Variants in NDST3 observed in about 807,000 individuals in gnomAD.
NDST3 encodes the protein N-deacetylase and N-sulfotransferase 3.
NDST3 carries 58 observed loss-of-function variants against 96.1 expected under a neutral mutation model. That is an observed-to-expected ratio of 0.60 (90% CI 0.49 to 0.75). NDST3 has a LOEUF of 0.75. Ranked by LOEUF, NDST3 falls within the 30% of genes least tolerant of loss-of-function variation. The pLI is 0.00. For missense variants in NDST3, 788 were observed against 1,034.2 expected, an observed-to-expected ratio of 0.76 and a Z score of 3.27; for synonymous variants, 333 against 359.7, an observed-to-expected ratio of 0.93 and a Z score of 0.84.
At chr4:118,166,751 A>C (rs1474710603) in intron 6 of NDST3, among the ~76,000 whole-genome samples, 1 of 152,046 alleles carries the variant, frequency 6.6e-6, no homozygotes, top group Non-Finnish European at 1.5e-5. Flanking sequence ...ACATACAAAA[A>C]TCAGTTAATG....
At chr4:118,046,590 C>G (rs1724774653) in intron 1 of NDST3, among the ~76,000 whole-genome samples, 1 of 152,156 alleles carries the variant, frequency 6.6e-6, no homozygotes, top group Non-Finnish European at 1.5e-5. Context: ...AGCCTGGGTG[C>G]CTTGCTCCAC....
intron 5 of NDST3, among the ~76,000 whole-genome samples, chr4:118,139,830 C>CT (rs957439450): frequency 6.6e-6 from 1 of 152,134 alleles, no homozygotes; most frequent in Non-Finnish European, 1.5e-5. Flanking sequence ...TCCTTTATAT[C>CT]TTTTTTATTT....
chr4:118,251,088 TTTTA>T (rs372261437), intron 12 of NDST3, among the ~76,000 whole-genome samples: 68 of 140,026 alleles, frequency 4.9e-4, no homozygotes, highest in Admixed American at 1.9e-3. Context: ...GCTATAAATT[TTTTA>T]TTTATTTATT....
At chr4:118,161,870 C>T (rs1347069051) in intron 6 of NDST3, among the ~76,000 whole-genome samples, 1 of 152,176 alleles carries the variant, frequency 6.6e-6, no homozygotes, top group African/African-American at 2.4e-5. Context: ...ACACGGTGCA[C>T]TGCACCCACT....
intron 4 of NDST3, among the ~76,000 whole-genome samples, chr4:118,137,398 A>G (rs899920318): frequency 2.6e-5 from 4 of 151,976 alleles, no homozygotes; most frequent in Non-Finnish European, 5.9e-5. Context: ...TTGACTTCAA[A>G]TCAACTAAGT....
At chr4:118,206,194 C>T (rs1472121711) in intron 6 of NDST3, among the ~76,000 whole-genome samples, 1 of 144,168 alleles carries the variant, frequency 6.9e-6, no homozygotes, top group Non-Finnish European at 1.5e-5. Context: ...TGCTTTCCTT[C>T]CTGTCATCTG....
intron 2 of NDST3, among the ~76,000 whole-genome samples, chr4:118,099,164 T>C (rs1729576068): frequency 6.6e-6 from 1 of 152,102 alleles, no homozygotes; most frequent in African/African-American, 2.4e-5. Flanking sequence ...AAAGGTTCAG[T>C]AACTTGTCCA....
chr4:118,251,088 TTTTATTTATTTA>T (rs372261437), intron 12 of NDST3, among the ~76,000 whole-genome samples: 18 of 140,032 alleles, frequency 1.3e-4, no homozygotes, highest in African/African-American at 3.0e-4. Flanking sequence ...GCTATAAATT[TTTTATTTATTTA>T]TTTATTTATT....
chr4:118,200,218 A>G (rs1237514346), intron 6 of NDST3, among the ~76,000 whole-genome samples: 1 of 152,174 alleles, frequency 6.6e-6, no homozygotes, highest in Non-Finnish European at 1.5e-5. Context: ...TTAGAAGTCT[A>G]CCTGGTGTTC....
intron 7 of NDST3, 42 bp from the exon 8 acceptor site, chr4:118,226,844 T>G: frequency 7.1e-7 from 1 of 1,416,168 alleles, no homozygotes. Flanking sequence ...AATGGACACA[T>G]TCATGAAAAA....
intron 6 of NDST3, among the ~76,000 whole-genome samples, chr4:118,199,539 G>A (rs1370075025): frequency 6.6e-6 from 1 of 152,134 alleles, no homozygotes; most frequent in Non-Finnish European, 1.5e-5. Flanking sequence ...ACATATCCCT[G>A]TTTCTCCAGG....
chr4:118,224,798 A>T, intron 7 of NDST3, 125 bp downstream of exon 7: 1 of 765,906 alleles, frequency 1.3e-6, no homozygotes, highest in Admixed American at 3.2e-5. Context: ...AGTAAATTTG[A>T]GAAACTACTC....
chr4:118,088,444 CTT>C (rs1266963617), intron 2 of NDST3, among the ~76,000 whole-genome samples: 1 of 152,018 alleles, frequency 6.6e-6, no homozygotes, highest in East Asian at 1.9e-4. Flanking sequence ...ACCAAATGCA[CTT>C]TGTTTTCTCA....
chr4:118,253,236 TAGG>T (rs1741870518), intron 12 of NDST3, among the ~76,000 whole-genome samples: 1 of 152,196 alleles, frequency 6.6e-6, no homozygotes, highest in African/African-American at 2.4e-5. Context: ...TTTCTATTAA[TAGG>T]AGATGTGCTG....
At chr4:118,162,683 G>A (rs1436522643) in intron 6 of NDST3, among the ~76,000 whole-genome samples, 4 of 148,668 alleles carry the variant, frequency 2.7e-5, no homozygotes, top group African/African-American at 9.8e-5. Context: ...TCAGGACATA[G>A]GCATGGGAAA....
chr4:118,152,891 G>C (rs972333136), intron 6 of NDST3, among the ~76,000 whole-genome samples: 1 of 152,168 alleles, frequency 6.6e-6, no homozygotes, highest in African/African-American at 2.4e-5. Flanking sequence ...GAATTTCCAA[G>C]CAAGGGAATC....
At chr4:118,070,250 A>C (rs1726938648) in intron 2 of NDST3, among the ~76,000 whole-genome samples, 1 of 152,168 alleles carries the variant, frequency 6.6e-6, no homozygotes, top group Non-Finnish European at 1.5e-5. Context: ...TACTAAGGAA[A>C]GCCCAGCACC....
At chr4:118,241,977 A>C (rs1741036341) in intron 11 of NDST3, 63 bp from the exon 12 acceptor site, 6 of 1,222,592 alleles carry the variant, frequency 4.9e-6, no homozygotes, top group Non-Finnish European at 7.2e-6. Context: ...AGAATGCAGA[A>C]ATTTTTCATT....
At chr4:118,049,495 A>T in intron 1 of NDST3, among the ~76,000 whole-genome samples, 1 of 152,000 alleles carries the variant, frequency 6.6e-6, no homozygotes, top group East Asian at 1.9e-4. Context: ...AACAAAGAAA[A>T]ATAAAGAGAA....
Sources: allele counts gnomAD v4.1 joint callset (sites outside exome capture counted in the v4.1 genomes callset), GRCh38; gene constraint gnomAD v4.1.1; transcripts MANE v1.5; gene names NCBI Gene and HGNC (gene_info 2026-07-23, HGNC 2026-07-21).